Variants in PALLD observed in about 807,000 individuals in gnomAD.
PALLD encodes the protein palladin, cytoskeletal associated protein, also known as palladin.
PALLD carries 61 observed loss-of-function variants against 123.5 expected under a neutral mutation model. That is an observed-to-expected ratio of 0.49 (90% CI 0.40 to 0.61). The LOEUF (loss-of-function observed/expected upper bound fraction) is 0.61. PALLD is among the 20% of genes least tolerant of loss of function. The probability of loss-of-function intolerance (pLI) is 0.00; values close to 1 mark genes in which losing one functional copy is unlikely to be tolerated. For missense variants in PALLD, 1,273 were observed against 1,377.0 expected (o/e 0.92, Z 1.20); for synonymous variants, 465 against 496.4 (o/e 0.94, Z 0.84).
Position 168,899,953 on chromosome 4 carries a change from G to T in PALLD, c.2472+1239G>T, listed in dbSNP as rs372463468. Among the ~76,000 whole-genome samples, 54 of 152,088 alleles carry T rather than the reference G, an allele frequency of 3.6e-4. No homozygotes were observed. The East Asian group carries it at 8.5e-3, about 24-fold the overall frequency. ...AAAAGAAAAGAAAATAGGCTTTACT[G>T]GCTCACAGTTCTGCATGGTATACAG... is the stretch of plus-strand genomic sequence containing the variant. On this transcript the variant is annotated intron_variant, in intron 14 of 21. Coordinates refer to ENST00000505667, the MANE Select transcript of PALLD (RefSeq NM_001166108.2).
chr4:168,572,295 G>C (rs149674279), intron 2 of PALLD, among the ~76,000 whole-genome samples: 1 of 152,146 alleles, frequency 6.6e-6, no homozygotes, highest in African/African-American at 2.4e-5. Context: ...CCACATCCAT[G>C]ATCTGATTTA....
intron 10 of PALLD, among the ~76,000 whole-genome samples, chr4:168,817,062 C>T (rs1226198845): frequency 6.6e-6 from 1 of 151,988 alleles, no homozygotes; most frequent in African/African-American, 2.4e-5. Context: ...GAAGAAAGGG[C>T]AAAGGATTTT....
chr4:168,669,729 C>A (rs1779992969), intron 3 of PALLD, among the ~76,000 whole-genome samples: 1 of 152,078 alleles, frequency 6.6e-6, no homozygotes, highest in African/African-American at 2.4e-5. Flanking sequence ...CCTCAAGGGA[C>A]CTTGTCCTAT....
intron 2 of PALLD, among the ~76,000 whole-genome samples, chr4:168,627,230 C>A (rs1444379596): frequency 5.9e-5 from 9 of 152,184 alleles, no homozygotes; most frequent in Non-Finnish European, 1.3e-4. Context: ...AATGAACAGG[C>A]CAGGCACGGT....
chr4:168,497,804 G>A (rs1028273500), intron 1 of PALLD, among the ~76,000 whole-genome samples: 4 of 152,240 alleles, frequency 2.6e-5, no homozygotes, highest in East Asian at 1.9e-4. Flanking sequence ...GTGCAATCTC[G>A]AGTCCAGTCA....
At chr4:168,669,783 C>T (rs182704267) in intron 3 of PALLD, among the ~76,000 whole-genome samples, 1 of 148,044 alleles carries the variant, frequency 6.8e-6, no homozygotes, top group East Asian at 2.0e-4. Context: ...CTAATACTTA[C>T]ATGACACTTA....
chr4:168,534,002 T>C (rs557572943), intron 2 of PALLD, among the ~76,000 whole-genome samples: 1 of 152,340 alleles, frequency 6.6e-6, no homozygotes, highest in African/African-American at 2.4e-5. Context: ...CCAAATAATC[T>C]TGTATAATAT....
intron 10 of PALLD, among the ~76,000 whole-genome samples, chr4:168,856,531 A>G (rs548393432): frequency 6.6e-6 from 1 of 152,290 alleles, no homozygotes; most frequent in South Asian, 2.1e-4. Flanking sequence ...TTGTAGTAAT[A>G]GCCATTCTGA....
At chr4:168,603,925 A>G (rs1047785027) in intron 2 of PALLD, among the ~76,000 whole-genome samples, 8 of 152,252 alleles carry the variant, frequency 5.3e-5, no homozygotes. Flanking sequence ...CCAAGTAGAA[A>G]GATAGTCTGC....
chr4:168,653,840 A>G (rs547704289), intron 2 of PALLD, among the ~76,000 whole-genome samples: 1 of 152,184 alleles, frequency 6.6e-6, no homozygotes, highest in African/African-American at 2.4e-5. Context: ...AGCTGGGACT[A>G]CAGGCACCCG....
intron 2 of PALLD, among the ~76,000 whole-genome samples, chr4:168,641,826 C>T (rs1246021404): frequency 6.6e-6 from 1 of 152,172 alleles, no homozygotes; most frequent in Non-Finnish European, 1.5e-5. Context: ...TGAGGGAAAG[C>T]TTCACAGCCA....
intron 2 of PALLD, among the ~76,000 whole-genome samples, chr4:168,620,280 C>A (rs62335539): frequency 0.052 from 7,848 of 152,178 alleles, 301 homozygotes; most frequent in Non-Finnish European, 0.075. Context: ...CATGGTGAAA[C>A]CCTGTCTCTA....
At chr4:168,574,203 T>C (rs988290857) in intron 2 of PALLD, among the ~76,000 whole-genome samples, 3 of 152,102 alleles carry the variant, frequency 2.0e-5, no homozygotes, top group Non-Finnish European at 4.4e-5. Flanking sequence ...TTATTTTGGA[T>C]ATCCTGAGTC....
intron 2 of PALLD, among the ~76,000 whole-genome samples, chr4:168,543,294 A>AGTTGATAGT (rs1363639000): frequency 6.7e-6 from 1 of 150,372 alleles, no homozygotes; most frequent in Non-Finnish European, 1.5e-5. Flanking sequence ...CATGACACCT[A>AGTTGATAGT]GTTGATAGTA....
At chr4:168,676,129 AT>A (rs1303302934) in intron 3 of PALLD, among the ~76,000 whole-genome samples, 1 of 152,082 alleles carries the variant, frequency 6.6e-6, no homozygotes, top group African/African-American at 2.4e-5. Context: ...TATCTTTCCA[AT>A]TTTTTCCTAC....
chr4:168,732,237 A>C (rs993152441), intron 10 of PALLD, among the ~76,000 whole-genome samples: 4 of 152,212 alleles, frequency 2.6e-5, no homozygotes, highest in Non-Finnish European at 5.9e-5. Flanking sequence ...GTTTCCGAAG[A>C]ACTTGTGGCA....
At chr4:168,706,077 G>C (rs9917936) in intron 8 of PALLD, among the ~76,000 whole-genome samples, 6,593 of 152,106 alleles carry the variant, frequency 0.043, 468 homozygotes, top group African/African-American at 0.15. Context: ...ATTGTTAACT[G>C]TATGCTTAAT....
chr4:168,559,174 T>A (rs1343484428), intron 2 of PALLD, among the ~76,000 whole-genome samples: 2 of 149,424 alleles, frequency 1.3e-5, no homozygotes, highest in African/African-American at 5.0e-5. Context: ...CATAACAAGA[T>A]TTTTACACTG....
chr4:168,771,518 T>C (rs1167362482), intron 10 of PALLD, among the ~76,000 whole-genome samples: 1 of 152,172 alleles, frequency 6.6e-6, no homozygotes, highest in Non-Finnish European at 1.5e-5. Flanking sequence ...CAGGCACCCA[T>C]ACATTCACAC....
Sources: allele counts gnomAD v4.1 joint callset (sites outside exome capture counted in the v4.1 genomes callset), GRCh38; gene constraint gnomAD v4.1.1; transcripts MANE v1.5; gene names NCBI Gene and HGNC (gene_info 2026-07-23, HGNC 2026-07-21).